Variants in COP1 observed in about 807,000 individuals in gnomAD.
COP1 encodes COP1 E3 ubiquitin ligase.
COP1 carries 24 observed loss-of-function variants against 101.3 expected under a neutral mutation model. The ratio of observed to expected loss-of-function variants is 0.24; its 90% CI spans 0.17 to 0.33. The LOEUF (loss-of-function observed/expected upper bound fraction) is 0.33. COP1 is among the 10% of genes least tolerant of loss of function. COP1 has a pLI of 1.00. For missense variants in COP1, 663 were observed against 906.2 expected (o/e 0.73, Z 3.45); for synonymous variants, 347 against 341.9 (o/e 1.01, Z -0.17).
intron 15 of COP1, among the ~76,000 whole-genome samples, chr1:176,001,825 A>C (rs1245867400): frequency 6.6e-6 from 1 of 152,080 alleles, no homozygotes; most frequent in Non-Finnish European, 1.5e-5. Flanking sequence ...GGAATATCTT[A>C]ATTCCCCCTT....
chr1:176,150,187 C>G (rs1449223664), intron 5 of COP1, among the ~76,000 whole-genome samples: 1 of 152,124 alleles, frequency 6.6e-6, no homozygotes, highest in Non-Finnish European at 1.5e-5. Flanking sequence ...CACCTCACAC[C>G]CACTTCCAGA....
chr1:176,048,652 T>C (rs796192022), intron 11 of COP1, among the ~76,000 whole-genome samples: 7 of 152,150 alleles, frequency 4.6e-5, no homozygotes, highest in African/African-American at 1.7e-4. Context: ...ATTTAGGAGG[T>C]TTTGGTATAG....
rs1235031755 is a variant in COP1 at position 175,988,299 on chromosome 1, T to C, written c.1961A>G (p.Tyr654Cys). 2 of 1,611,364 alleles carry C rather than the reference T, an allele frequency of 1.2e-6. No individual in the cohort carries two copies. The highest frequency in any genetic ancestry group is 1.7e-6 in the Non-Finnish European group (2 of 1,178,602). Residue 654 changes from tyrosine (Y) to cysteine (C), a missense_variant, in exon 17 of 20, where the codon TAT (tyrosine) becomes TGT (cysteine). Coordinates refer to ENST00000367669, the MANE Select transcript of COP1 (RefSeq NM_022457.7). ...NFVGLASNGD[Y>C]IACGSENNSL... is the part of the protein sequence containing the mutation. Reference sequence around the variant, plus strand: ...ATGGTTTCACTTACCACAAGCTATATAATCTCCATTGGAAGCCAGGCCTAC... The same window carrying C: ...ATGGTTTCACTTACCACAAGCTATACAATCTCCATTGGAAGCCAGGCCTAC...
intron 18 of COP1, among the ~76,000 whole-genome samples, chr1:175,960,956 C>T (rs1198630323): frequency 6.6e-6 from 1 of 152,166 alleles, no homozygotes; most frequent in Non-Finnish European, 1.5e-5. Flanking sequence ...TGGATAGGCA[C>T]CATCCAATCA....
At chr1:176,178,508 G>C (rs1477765522) in intron 2 of COP1, among the ~76,000 whole-genome samples, 1 of 151,800 alleles carries the variant, frequency 6.6e-6, no homozygotes, top group Non-Finnish European at 1.5e-5. Context: ...CAAAAAATCA[G>C]CAAGTTCAAA....
chr1:176,009,504 T>C lies in COP1; in HGVS notation c.1729+18068A>G, dbSNP rs191755353. 2.6e-3 allele frequency among the ~76,000 whole-genome samples: 400 copies of C among 152,296 alleles called. 3 individuals are homozygous for C. The highest frequency in any genetic ancestry group is 9.2e-3 in the African/African-American group (382 of 41,570). Reference sequence around the variant, plus strand: ...GGTTAAATTATGTCCTTGTGTACTGTACAAAAGTTTTACAGTAGCTAAAAA... The same window carrying C: ...GGTTAAATTATGTCCTTGTGTACTGCACAAAAGTTTTACAGTAGCTAAAAA... On this transcript the variant is annotated intron_variant, in intron 15 of 19. Transcript: ENST00000367669.
At chr1:176,023,421 C>T (rs547206402) in intron 15 of COP1, among the ~76,000 whole-genome samples, 1 of 152,048 alleles carries the variant, frequency 6.6e-6, no homozygotes, top group South Asian at 2.1e-4. Context: ...ATGAATTCAC[C>T]TAGAAAAAGT....
intron 14 of COP1, among the ~76,000 whole-genome samples, chr1:176,033,515 T>C (rs1668986003): frequency 1.3e-5 from 2 of 152,064 alleles, no homozygotes; most frequent in African/African-American, 4.8e-5. Context: ...TTCTTCAAAC[T>C]CACATTTAAA....
chr1:176,032,217 A>G (rs758001512), intron 14 of COP1, among the ~76,000 whole-genome samples: 1 of 152,206 alleles, frequency 6.6e-6, no homozygotes, highest in Non-Finnish European at 1.5e-5. Flanking sequence ...TACCCATATG[A>G]GTAAAAAGGG....
chr1:176,040,578 G>A (rs993776141), intron 14 of COP1, among the ~76,000 whole-genome samples: 1 of 152,122 alleles, frequency 6.6e-6, no homozygotes, highest in Admixed American at 6.6e-5. Context: ...CAAAATTGCT[G>A]GGATTACAGG....
intron 15 of COP1, among the ~76,000 whole-genome samples, chr1:175,996,642 T>C (rs1660229366): frequency 6.6e-6 from 1 of 152,084 alleles, no homozygotes; most frequent in African/African-American, 2.4e-5. Flanking sequence ...TGAACTCCCA[T>C]TCACAACTGC....
intron 11 of COP1, among the ~76,000 whole-genome samples, chr1:176,061,643 A>G (rs561738019): frequency 6.6e-6 from 1 of 152,002 alleles, no homozygotes; most frequent in African/African-American, 2.4e-5. Flanking sequence ...AAAAAAAGAA[A>G]AAGAAAAAGA....
intron 9 of COP1, among the ~76,000 whole-genome samples, chr1:176,096,163 G>T (rs1682325156): frequency 6.6e-6 from 1 of 152,184 alleles, no homozygotes; most frequent in Non-Finnish European, 1.5e-5. Flanking sequence ...GAGTTCTGCA[G>T]CATTTTTGCT....
intron 18 of COP1, among the ~76,000 whole-genome samples, chr1:175,967,119 C>A (rs1209534329): frequency 6.6e-6 from 1 of 152,190 alleles, no homozygotes; most frequent in Non-Finnish European, 1.5e-5. Context: ...AGTATGGCTA[C>A]TCATTTGACA....
At position 176,117,644 on chromosome 1, in the gene COP1, C is replaced by T. The variant is rs145267307; in HGVS notation, c.969-963G>A. On this transcript the variant is annotated intron_variant, in intron 8 of 19. Coordinates refer to ENST00000367669, the MANE Select transcript of COP1 (RefSeq NM_022457.7). ...GCACGGTCGCTCACGCCTGTAATCC[C>T]AGCACTTTGGGAGGCCAAGGCGGGC... 8.3e-4 allele frequency among the ~76,000 whole-genome samples: 126 copies of T among 152,342 alleles called. 1 individual carries two copies. The highest frequency in any genetic ancestry group is 4.2e-3 in the East Asian group (22 of 5,188).
At chr1:176,051,582 A>T (rs185117498) in intron 11 of COP1, among the ~76,000 whole-genome samples, 37 of 151,274 alleles carry the variant, frequency 2.4e-4, no homozygotes, top group Non-Finnish European at 3.4e-4. Context: ...TACTTATTTT[A>T]AAAAAAAACA....
At chr1:176,080,164 A>C (rs1295830312) in intron 11 of COP1, among the ~76,000 whole-genome samples, 2 of 152,342 alleles carry the variant, frequency 1.3e-5, no homozygotes, top group Admixed American at 1.3e-4. Context: ...TTTATCTGTC[A>C]ATTTTAAAAA....
At position 176,066,924 on chromosome 1, in the gene COP1, C is replaced by T. The variant is rs896209529; in HGVS notation, c.1277+14228G>A. On this transcript the variant is annotated intron_variant, in intron 11 of 19. Coordinates refer to ENST00000367669, the MANE Select transcript of COP1 (RefSeq NM_022457.7). ...GTTACCAGCTGTTTTCCAGACCTAG[C>T]CCCTATCCAACTTTCCCAGGGACAG... 2.6e-5 allele frequency among the ~76,000 whole-genome samples: 4 copies of T among 152,146 alleles called. No individual in the cohort carries two copies. In the South Asian group the frequency reaches 8.3e-4, roughly 32 times the overall value.
intron 14 of COP1, among the ~76,000 whole-genome samples, chr1:176,034,669 T>C (rs1669185877): frequency 6.6e-6 from 1 of 152,178 alleles, no homozygotes; most frequent in Non-Finnish European, 1.5e-5. Context: ...TACAGTTCTG[T>C]GCATTCACTG....
Sources: gnomAD v4.1 joint callset for allele counts (sites outside exome capture counted in the v4.1 genomes callset) on GRCh38, gnomAD v4.1.1 for gene constraint, MANE v1.5 for transcripts, NCBI Gene and HGNC (gene_info 2026-07-23, HGNC 2026-07-21) for gene names.